CADPS: variants seen among roughly 807,000 people sequenced by gnomAD.
The protein encoded by CADPS is calcium dependent secretion activator.
In CADPS, 57 loss-of-function variants were observed where a neutral mutation model predicts 167.3. The ratio of observed to expected loss-of-function variants is 0.34; its 90% confidence interval spans 0.28 to 0.42. The LOEUF (loss-of-function observed/expected upper bound fraction) is 0.42, where lower values mean the gene tolerates loss of function less well. Ranked by LOEUF, CADPS falls within the 20% of genes least tolerant of loss-of-function variation. The probability of loss-of-function intolerance (pLI) is 1.00; values close to 1 mark genes in which losing one functional copy is unlikely to be tolerated. For synonymous variants in CADPS, 676 were observed against 635.3 expected, an observed-to-expected ratio of 1.06 and a Z score of -0.96; for missense variants, 1,414 against 1,738.1, an observed-to-expected ratio of 0.81 and a Z score of 3.32.
intron 9 of CADPS, among the ~76,000 whole-genome samples, chr3:62,570,333 C>A (rs982720803): frequency 1.3e-5 from 2 of 151,510 alleles, no homozygotes; most frequent in African/African-American, 4.8e-5. Flanking sequence ...CACCAGGCAC[C>A]AAGAAGAGTA....
intron 11 of CADPS, among the ~76,000 whole-genome samples, chr3:62,548,387 T>C (rs796288996): frequency 9.2e-5 from 14 of 152,304 alleles, no homozygotes; most frequent in African/African-American, 3.4e-4. Context: ...TCTTATTCTT[T>C]CATGATTTTC....
At chr3:62,649,175 G>GT (rs1309727098) in intron 5 of CADPS, among the ~76,000 whole-genome samples, 1 of 152,134 alleles carries the variant, frequency 6.6e-6, no homozygotes, top group Non-Finnish European at 1.5e-5. Context: ...CCCTTGTGGG[G>GT]TTTTGAACTT....
In CADPS at chr3:62,458,190, T is replaced by C. The variant is rs2058925428; in HGVS notation, c.3636+7177A>G. ...CTATTTATGGAGCACCTACTAACTATATACCAGGTGTTATGAAAGGGCTAC... is the reference window on the plus strand; with the variant it reads ...CTATTTATGGAGCACCTACTAACTACATACCAGGTGTTATGAAAGGGCTAC... On this transcript the variant is annotated intron_variant, in intron 26 of 29. Transcript: ENST00000383710. This position sits in a 1 kb window ranked among gnomAD's most constrained non-coding sequence, Gnocchi z 4.6. Among the ~76,000 whole-genome samples, 1 of 152,214 alleles carries C rather than the reference T, an allele frequency of 6.6e-6. No homozygotes were observed. The highest frequency in any genetic ancestry group is 1.5e-5 in the Non-Finnish European group (1 of 68,038).
chr3:62,865,123 A>T (rs2081446773), intron 1 of CADPS, among the ~76,000 whole-genome samples: 1 of 152,188 alleles, frequency 6.6e-6, no homozygotes, highest in Non-Finnish European at 1.5e-5. Context: ...TCGCCAATGT[A>T]GATGTTCAGG....
intron 27 of CADPS, among the ~76,000 whole-genome samples, chr3:62,442,514 C>T (rs185742813): frequency 3.9e-5 from 6 of 152,206 alleles, no homozygotes; most frequent in South Asian, 2.1e-4. Context: ...CTGCTTCGCC[C>T]GGCATAAACT....
chr3:62,518,166 A>C lies in CADPS; in HGVS notation c.2376T>G (p.Asn792Lys). ...IKERLRVLLE[N>K]QITHFRYCFP... ...ATCCTTACCTAAAATGTGTAATCTGATTTTCTAGCAGAACTCGGAGCCTCT... is the reference window on the plus strand; with the variant it reads ...ATCCTTACCTAAAATGTGTAATCTGCTTTTCTAGCAGAACTCGGAGCCTCT... The change falls in exon 14 of 30, where the codon AAT (asparagine) becomes AAG (lysine). Residue 792 changes from asparagine (N) to lysine (K), a missense_variant. Asn to Lys is a moderately conservative substitution (Grantham distance 94). Around this residue, in one of 6 missense-constraint regions of CADPS, gnomAD observed 529 missense variants for 629.6 expected, o/e 0.84. Coordinates refer to ENST00000383710, the MANE Select transcript of CADPS (RefSeq NM_003716.4). The C allele has an allele frequency of 1.2e-6, 2 of 1,611,964 alleles. No homozygotes were observed. Among genetic ancestry groups the C allele is most frequent in the Non-Finnish European group, 1.7e-6 (2 of 1,178,836 alleles).
chr3:62,482,986 A>G (rs1345115467), intron 21 of CADPS, among the ~76,000 whole-genome samples: 1 of 152,024 alleles, frequency 6.6e-6, no homozygotes, highest in Non-Finnish European at 1.5e-5. Flanking sequence ...AACTTGAATC[A>G]ACTGTATTTC....
At chr3:62,400,844 C>T (rs768115745) in intron 29 of CADPS, among the ~76,000 whole-genome samples, 22 of 152,052 alleles carry the variant, frequency 1.4e-4, no homozygotes, top group African/African-American at 1.9e-4. Flanking sequence ...GTGATCCACC[C>T]GCCTTGGCCT....
intron 6 of CADPS, among the ~76,000 whole-genome samples, chr3:62,634,420 T>A (rs1219539255): frequency 6.6e-6 from 1 of 152,216 alleles, no homozygotes; most frequent in Admixed American, 6.5e-5. Flanking sequence ...GTTCCACTAA[T>A]AGAATTCAAC....
chr3:62,765,266 G>C (rs116131548), intron 2 of CADPS, among the ~76,000 whole-genome samples: 2,572 of 152,174 alleles, frequency 0.017, 28 homozygotes, highest in Non-Finnish European at 0.028. Context: ...TTACTGATAA[G>C]CTTCTGAGGT....
At chr3:62,714,280 A>G (rs1231650704) in intron 3 of CADPS, among the ~76,000 whole-genome samples, 3 of 152,234 alleles carry the variant, frequency 2.0e-5, no homozygotes, top group Non-Finnish European at 2.9e-5. Flanking sequence ...TAAAGGAATT[A>G]TATATACATT....
chr3:62,672,170 A>G (rs1323152732), intron 3 of CADPS, among the ~76,000 whole-genome samples: 1 of 146,134 alleles, frequency 6.8e-6, no homozygotes, highest in East Asian at 2.1e-4. Flanking sequence ...TTTGGTGCCC[A>G]TAAAAATCAA....
At chr3:62,522,023 G>T (rs2070736369) in intron 13 of CADPS, among the ~76,000 whole-genome samples, 1 of 152,138 alleles carries the variant, frequency 6.6e-6, no homozygotes, top group East Asian at 1.9e-4. Flanking sequence ...GCCTTGACCA[G>T]ACTGTCCTTA....
At chr3:62,784,537 T>G (rs919507006) in intron 1 of CADPS, among the ~76,000 whole-genome samples, 1 of 152,194 alleles carries the variant, frequency 6.6e-6, no homozygotes, top group Non-Finnish European at 1.5e-5. Context: ...GAGAGAACTA[T>G]TTATTATGTG....
chr3:62,676,288 G>A (rs559081879), intron 3 of CADPS, among the ~76,000 whole-genome samples: 1 of 152,228 alleles, frequency 6.6e-6, no homozygotes, highest in East Asian at 1.9e-4. Flanking sequence ...ATCTCAGCAA[G>A]TTCCTGACAC....
chr3:62,862,710 T>A (rs980561309), intron 1 of CADPS, among the ~76,000 whole-genome samples: 2 of 152,250 alleles, frequency 1.3e-5, no homozygotes, highest in African/African-American at 2.4e-5. Flanking sequence ...CGTGAATCAC[T>A]ATGACTTTCA....
At chr3:62,588,773 A>C (rs904285407) in intron 7 of CADPS, among the ~76,000 whole-genome samples, 2 of 152,214 alleles carry the variant, frequency 1.3e-5, no homozygotes, top group Non-Finnish European at 2.9e-5. Context: ...TAGCTATGTA[A>C]AAAGGAGACA....
At chr3:62,621,968 C>T (rs2063258352) in intron 6 of CADPS, among the ~76,000 whole-genome samples, 1 of 151,504 alleles carries the variant, frequency 6.6e-6, no homozygotes. Flanking sequence ...TGGCTCTTCA[C>T]TTCCTTCTTA....
At chr3:62,852,444 A>T (rs1472484591) in intron 1 of CADPS, among the ~76,000 whole-genome samples, 1 of 151,934 alleles carries the variant, frequency 6.6e-6, no homozygotes, top group South Asian at 2.1e-4. Context: ...ATTTTCTTTG[A>T]GATTACTTTT....
Sources: allele counts gnomAD v4.1 joint callset (sites outside exome capture counted in the v4.1 genomes callset), GRCh38; gene constraint gnomAD v4.1.1; regional missense constraint gnomAD v4.1.1; non-coding constraint Gnocchi (gnomAD v3.1); transcripts MANE v1.5; gene names NCBI Gene and HGNC (gene_info 2026-07-23, HGNC 2026-07-21).